MPRIP: variants seen among roughly 807,000 people sequenced by gnomAD.
The protein encoded by MPRIP is myosin phosphatase Rho-interacting protein.
In MPRIP, 59 loss-of-function variants were observed where a neutral mutation model predicts 234.9. That is an observed-to-expected ratio of 0.25 (90% CI 0.20 to 0.31). MPRIP has a LOEUF of 0.31. MPRIP is among the 10% of genes least tolerant of loss of function. MPRIP has a pLI of 1.00. For missense variants in MPRIP, 2,436 were observed against 3,071.0 expected (o/e 0.79, Z 4.89); for synonymous variants, 1,144 against 1,263.9 (o/e 0.91, Z 2.01).
Position 17,165,554 on chromosome 17 carries a change from A to T in MPRIP, c.3963A>T (p.Arg1321Ser). 2 of 1,304,578 alleles carry T rather than the reference A, an allele frequency of 1.5e-6. No homozygotes were observed. The highest frequency in any genetic ancestry group is 2.5e-5 in the South Asian group (2 of 81,036). The allele number at this position is 1,304,578 out of a possible 1,614,324, so 80.8% of individuals were successfully genotyped here. ...DQGAPGVKRQ[R>S]IRFSTIQCQR... Reference sequence around the variant, plus strand: ...GGGCACCTGGTGTTAAAAGGCAAAGAATCCGGTTCTCCACAATCCAGTGCC... The same window carrying T: ...GGGCACCTGGTGTTAAAAGGCAAAGTATCCGGTTCTCCACAATCCAGTGCC... Residue 1321 changes from arginine (R) to serine (S), a missense_variant, in exon 16 of 24, where the codon AGA (arginine) becomes AGT (serine). Coordinates refer to ENST00000651222, the MANE Select transcript of MPRIP (RefSeq NM_001364716.4).
chr17:17,137,802 G>C lies in MPRIP; in HGVS notation c.737-114G>C, dbSNP rs372187725. The C allele has an allele frequency of 8.3e-5, 68 of 817,866 alleles. No individual in the cohort carries two copies. The African/African-American group carries it at 9.6e-4, about 12-fold the overall frequency. 50.7% of individuals were successfully genotyped at this position (817,866 alleles called of 1,614,324 possible). Reference sequence around the variant, plus strand: ...GTGGGGTGTGCTGGATGTTAGAGACGGGAGGTGGAGAAGGCCCCTGCTTGG... The same window carrying C: ...GTGGGGTGTGCTGGATGTTAGAGACCGGAGGTGGAGAAGGCCCCTGCTTGG... On this transcript the variant is annotated intron_variant, in intron 6 of 23. Coordinates refer to ENST00000651222, the MANE Select transcript of MPRIP (RefSeq NM_001364716.4).
chr17:17,130,447 CCT>C (rs1471257942), intron 4 of MPRIP, among the ~76,000 whole-genome samples: 1 of 151,602 alleles, frequency 6.6e-6, no homozygotes, highest in Non-Finnish European at 1.5e-5. Context: ...CCCCTCCCCT[CCT>C]CTCCTCTCCA....
intron 23 of MPRIP, among the ~76,000 whole-genome samples, chr17:17,184,180 T>C (rs533871967): frequency 6.6e-6 from 1 of 152,364 alleles, no homozygotes; most frequent in Non-Finnish European, 1.5e-5. Context: ...ACATACAGAT[T>C]TAAGCTTTAG....
intron 3 of MPRIP, among the ~76,000 whole-genome samples, chr17:17,100,676 G>T (rs1219513236): frequency 6.6e-6 from 1 of 151,950 alleles, no homozygotes; most frequent in Non-Finnish European, 1.5e-5. Flanking sequence ...AATGCCTGAT[G>T]ATCTGTTACT....
chr17:17,049,217 CTG>C (rs2088453999), intron 1 of MPRIP, among the ~76,000 whole-genome samples: 1 of 152,166 alleles, frequency 6.6e-6, no homozygotes, highest in Non-Finnish European at 1.5e-5. Flanking sequence ...GCTAATGAGA[CTG>C]GGGTTCTATT....
At position 17,165,393 on chromosome 17, in the gene MPRIP, G is replaced by C. The variant is rs1189169591; in HGVS notation, c.3802G>C (p.Glu1268Gln). 1.5e-6 allele frequency: 2 copies of C among 1,304,078 alleles called. No homozygotes were observed. The highest frequency in any genetic ancestry group is 2.5e-5 in the South Asian group (2 of 81,038). 80.8% of individuals were successfully genotyped at this position (1,304,078 alleles called of 1,614,324 possible). The change falls in exon 16 of 24, where the codon GAG becomes CAG. Residue 1268 changes from glutamate to glutamine, a missense_variant. This residue lies in a region of MPRIP where 1,998 missense variants were observed against 2,520.3 expected (regional missense o/e 0.79). Transcript: ENST00000651222. Reference protein sequence around the residue: ...LPHTRLEDEDEDLGAPPGEEY... With the variant: ...LPHTRLEDEDQDLGAPPGEEY... ...ACACACAAGGCTCGAGGATGAGGAC[G>C]AGGACCTGGGGGCTCCTCCGGGGGA... is the stretch of plus-strand genomic sequence containing the variant.
intron 16 of MPRIP, chr17:17,171,439 A>G: frequency 2.8e-6 from 1 of 357,326 alleles, no homozygotes; most frequent in Non-Finnish European, 5.0e-6. Context: ...CACCTACCAT[A>G]CCAACTTCTC....
At chr17:17,155,322 G>A (rs926282310) in intron 13 of MPRIP, among the ~76,000 whole-genome samples, 3 of 151,612 alleles carry the variant, frequency 2.0e-5, no homozygotes, top group East Asian at 3.9e-4. Flanking sequence ...ACGTGATCTC[G>A]GCTCGCTGCA....
chr17:17,111,167 A>AG (rs2090161445), intron 3 of MPRIP, among the ~76,000 whole-genome samples: 12 of 138,582 alleles, frequency 8.7e-5, no homozygotes, highest in African/African-American at 3.6e-4. Context: ...CCAAAAAAAA[A>AG]AGAAAAAACC....
intron 3 of MPRIP, among the ~76,000 whole-genome samples, chr17:17,107,653 T>C (rs902370810): frequency 2.6e-5 from 4 of 152,198 alleles, no homozygotes; most frequent in African/African-American, 9.7e-5. Context: ...GCACATCCCC[T>C]GCTAGAGAGC....
chr17:17,107,420 T>C (rs576700208), intron 3 of MPRIP, among the ~76,000 whole-genome samples: 1 of 152,356 alleles, frequency 6.6e-6, no homozygotes, highest in Admixed American at 6.5e-5. Flanking sequence ...GGCTGGGTGC[T>C]ATTCAGGTTG....
At chr17:17,152,438 C>T (rs1441409331) in intron 12 of MPRIP, among the ~76,000 whole-genome samples, 2 of 152,264 alleles carry the variant, frequency 1.3e-5, no homozygotes, top group East Asian at 1.9e-4. Context: ...CTCACTTCAC[C>T]CTGGTAGGGC....
intron 12 of MPRIP, among the ~76,000 whole-genome samples, chr17:17,151,506 G>A (rs2045601933): frequency 6.6e-6 from 1 of 152,196 alleles, no homozygotes; most frequent in African/African-American, 2.4e-5. Flanking sequence ...TGTGGTTGAT[G>A]GAGTTGTTGT....
intron 3 of MPRIP, among the ~76,000 whole-genome samples, chr17:17,079,116 T>C (rs572057615): frequency 3.9e-5 from 6 of 152,242 alleles, no homozygotes; most frequent in Admixed American, 2.6e-4. Flanking sequence ...ACAGCTCACA[T>C]GTGCAAAGGT....
chr17:17,083,073 G>A (rs985444520), intron 3 of MPRIP, among the ~76,000 whole-genome samples: 1 of 152,222 alleles, frequency 6.6e-6, no homozygotes, highest in South Asian at 2.1e-4. Flanking sequence ...CCTCCATGGT[G>A]TGGAGCTCTG....
chr17:17,075,545 T>C (rs1378850637), intron 1 of MPRIP, among the ~76,000 whole-genome samples, 165 bp from the exon 2 acceptor site: 1 of 152,124 alleles, frequency 6.6e-6, no homozygotes, highest in Non-Finnish European at 1.5e-5. Context: ...CCCGCCAGCC[T>C]CTGACTCTCA....
chr17:17,058,225 T>C (rs1378884283), intron 1 of MPRIP, among the ~76,000 whole-genome samples: 1 of 152,094 alleles, frequency 6.6e-6, no homozygotes, highest in African/African-American at 2.4e-5. Flanking sequence ...GTAAAGGTGC[T>C]TATGTTTGTG....
rs369060971 is a variant in MPRIP, at chr17:17,161,360, G to A, written c.2517+4G>A. On this transcript the variant is annotated splice_donor_region_variant and intron_variant, in intron 15 of 23. Coordinates refer to ENST00000651222, the MANE Select transcript of MPRIP (RefSeq NM_001364716.4). ...CCGTGAGGGCTACGTGCTGCAGGTA[G>A]GGTGGAGGGGCTGCTGTGGCCCATG... is the stretch of plus-strand genomic sequence containing the variant. The A allele has an allele frequency of 5.8e-6, 9 of 1,563,868 alleles. No individual in the cohort carries two copies. In the African/African-American group the frequency reaches 8.1e-5, roughly 14 times the overall value.
chr17:17,171,402 G>T (rs977598214), intron 16 of MPRIP: 4 of 265,484 alleles, frequency 1.5e-5, no homozygotes, highest in African/African-American at 8.9e-5. Flanking sequence ...AGGGTTGGCT[G>T]GTTTCCATTT....
Sources: allele counts gnomAD v4.1 joint callset (sites outside exome capture counted in the v4.1 genomes callset), GRCh38; gene constraint gnomAD v4.1.1; regional missense constraint gnomAD v4.1.1; transcripts MANE v1.5; gene names NCBI Gene and HGNC (gene_info 2026-07-23, HGNC 2026-07-21).